Variants in BBS9 observed in about 807,000 individuals in gnomAD.
BBS9 encodes protein PTHB1.
Under a neutral mutation model 117.7 loss-of-function variants are expected in BBS9, and 89 were observed. The observed-to-expected ratio is 0.76, with a 90% CI of 0.64 to 0.90. The LOEUF (loss-of-function observed/expected upper bound fraction) is 0.90. Ranked by LOEUF, BBS9 falls within the 40% of genes least tolerant of loss-of-function variation. The pLI, the probability that BBS9 is intolerant of heterozygous loss-of-function variation, is 0.00. For missense variants in BBS9, 982 were observed against 1,042.2 expected (o/e 0.94, Z 0.80); for synonymous variants, 379 against 370.9 (o/e 1.02, Z -0.25).
chr7:33,131,145 T>A (rs1018928885), intron 1 of BBS9, among the ~76,000 whole-genome samples: 15 of 152,246 alleles, frequency 9.9e-5, no homozygotes, highest in African/African-American at 2.7e-4. Context: ...AGGGTGAGTT[T>A]GGCATTCGTA....
chr7:33,480,033 T>C (rs939956858), intron 19 of BBS9, among the ~76,000 whole-genome samples: 1 of 152,164 alleles, frequency 6.6e-6, no homozygotes, highest in African/African-American at 2.4e-5. Context: ...ACATTGGGTA[T>C]CAAGCTTGTT....
intron 20 of BBS9, among the ~76,000 whole-genome samples, chr7:33,522,931 G>T (rs1405426235): frequency 1.3e-5 from 2 of 148,512 alleles, no homozygotes; most frequent in Non-Finnish European, 3.0e-5. Context: ...TGTATAAGGT[G>T]TAAGGAAGGG....
chr7:33,208,648 G>C (rs183904503), intron 5 of BBS9, among the ~76,000 whole-genome samples: 26 of 152,268 alleles, frequency 1.7e-4, no homozygotes, highest in Admixed American at 1.6e-3. Context: ...CATGGAATTT[G>C]TTTCTTTTTT....
intron 2 of BBS9, among the ~76,000 whole-genome samples, chr7:33,148,662 C>CTT (rs554496476): frequency 6.0e-5 from 8 of 133,018 alleles, no homozygotes; most frequent in African/African-American, 1.4e-4. Context: ...TGCACCTGGC[C>CTT]TTTTTTTTTT....
chr7:33,390,613 T>G (rs1017736281), intron 19 of BBS9: 1 of 968,872 alleles, frequency 1.0e-6, no homozygotes, highest in East Asian at 1.1e-4. Flanking sequence ...GATTGTTCAA[T>G]AAGTTTCATG....
At chr7:33,404,637 T>A (rs1829589190) in intron 19 of BBS9, among the ~76,000 whole-genome samples, 1 of 150,272 alleles carries the variant, frequency 6.7e-6, no homozygotes, top group African/African-American at 2.4e-5. Flanking sequence ...ATGATTTGGC[T>A]CTCTGTTTGT....
At chr7:33,350,649 A>G (rs1432130526) in intron 13 of BBS9, among the ~76,000 whole-genome samples, 1 of 152,194 alleles carries the variant, frequency 6.6e-6, no homozygotes, top group Admixed American at 6.5e-5. Flanking sequence ...TCCTCGAAGT[A>G]AAGAACAGCA....
In BBS9 at chr7:33,334,398, C is replaced by T. The variant is rs186147339; in HGVS notation, c.1017-2043C>T. 1.9e-3 allele frequency among the ~76,000 whole-genome samples: 286 copies of T among 152,230 alleles called. 6 individuals are homozygous for T. In the South Asian group the frequency reaches 0.051, roughly 27 times the overall value. ...AATCTCACATTCTCTGAGAAGCCCC[C>T]CCCAGAGGTCTGCGCTTTAGCACCC... is the stretch of plus-strand genomic sequence containing the variant. On this transcript the variant is annotated intron_variant, in intron 9 of 22. Coordinates refer to ENST00000242067, the MANE Select transcript of BBS9 (RefSeq NM_198428.3).
chr7:33,378,227 C>T (rs1442831882), intron 17 of BBS9, among the ~76,000 whole-genome samples: 1 of 152,150 alleles, frequency 6.6e-6, no homozygotes, highest in Non-Finnish European at 1.5e-5. Flanking sequence ...ATGTTATTCA[C>T]TTGTTTATTT....
chr7:33,480,330 C>CAGA (rs1175494986), intron 19 of BBS9, among the ~76,000 whole-genome samples: 1 of 152,214 alleles, frequency 6.6e-6, no homozygotes, highest in South Asian at 2.1e-4. Context: ...TCTAGCAATA[C>CAGA]AGAAGAAGGA....
intron 5 of BBS9, among the ~76,000 whole-genome samples, chr7:33,211,156 T>A (rs950947165): frequency 2.0e-5 from 3 of 152,188 alleles, no homozygotes; most frequent in Non-Finnish European, 2.9e-5. Context: ...GAGAGTTTAG[T>A]CCATTTACAT....
At chr7:33,285,041 A>G (rs1369811564) in intron 9 of BBS9, among the ~76,000 whole-genome samples, 1 of 152,142 alleles carries the variant, frequency 6.6e-6, no homozygotes, top group Non-Finnish European at 1.5e-5. Context: ...GCCATTATTA[A>G]TCTCTGTTCT....
intron 9 of BBS9, among the ~76,000 whole-genome samples, chr7:33,320,636 TC>T (rs1459854952): frequency 6.6e-6 from 1 of 152,140 alleles, no homozygotes; most frequent in African/African-American, 2.4e-5. Flanking sequence ...ATATGGTAGC[TC>T]TATTTTTAGT....
intron 5 of BBS9, among the ~76,000 whole-genome samples, chr7:33,187,239 A>G (rs1393618700): frequency 6.6e-6 from 1 of 152,252 alleles, no homozygotes; most frequent in Non-Finnish European, 1.5e-5. Context: ...TAACGTAGTA[A>G]AATAAGATAC....
chr7:33,302,212 T>C (rs1806621852), intron 9 of BBS9, among the ~76,000 whole-genome samples: 1 of 152,202 alleles, frequency 6.6e-6, no homozygotes, highest in Admixed American at 6.5e-5. Flanking sequence ...ACATATTTTC[T>C]CCCATTCTGT....
chr7:33,219,772 AAG>A (rs1344702064), intron 5 of BBS9, among the ~76,000 whole-genome samples: 1 of 152,146 alleles, frequency 6.6e-6, no homozygotes, highest in Non-Finnish European at 1.5e-5. Context: ...GGGGCCAGAT[AAG>A]AGAATAAAAA....
chr7:33,531,055 G>C (rs1465720467), intron 20 of BBS9, among the ~76,000 whole-genome samples: 1 of 152,060 alleles, frequency 6.6e-6, no homozygotes, highest in Admixed American at 6.5e-5. Context: ...GACCAGCCTG[G>C]CCAACACAGT....
At position 33,451,558 on chromosome 7, in the gene BBS9, C is replaced by A. The variant is rs1394180296; in HGVS notation, c.2116-53905C>A. ...TGTTCTGTCCCATTGGTCTACATAT[C>A]TGTCTTTATGCCAGTACCATACTGT... is the stretch of plus-strand genomic sequence containing the variant. On this transcript the variant is annotated intron_variant, in intron 19 of 22. Transcript: ENST00000242067. Among the ~76,000 whole-genome samples, 3 of 152,304 alleles carry A rather than the reference C, an allele frequency of 2.0e-5. No homozygotes were observed. In the East Asian group the frequency reaches 5.8e-4, roughly 29 times the overall value.
At chr7:33,310,921 G>A (rs962085071) in intron 9 of BBS9, among the ~76,000 whole-genome samples, 23 of 152,190 alleles carry the variant, frequency 1.5e-4, no homozygotes, top group Admixed American at 1.2e-3. Context: ...CTGAATTCAT[G>A]GAACTTGTAG....
Sources: allele counts gnomAD v4.1 joint callset (sites outside exome capture counted in the v4.1 genomes callset), GRCh38; gene constraint gnomAD v4.1.1; transcripts MANE v1.5; gene names NCBI Gene and HGNC (gene_info 2026-07-23, HGNC 2026-07-21).